Variants in MYO19 observed in about 807,000 individuals in gnomAD.
MYO19 encodes unconventional myosin-XIX.
A neutral mutation model predicts 129.2 loss-of-function variants in MYO19; 132 were observed. That is an observed-to-expected ratio of 1.02 (90% CI 0.89 to 1.18). The LOEUF (loss-of-function observed/expected upper bound fraction) is 1.18, where lower values mean the gene tolerates loss of function less well. MYO19 is among the 50% of genes most tolerant of loss of function. The probability of loss-of-function intolerance (pLI) is 0.00; values close to 1 mark genes in which losing one functional copy is unlikely to be tolerated. For synonymous variants in MYO19, 531 were observed against 477.2 expected (o/e 1.11, Z -1.47); for missense variants, 1,210 against 1,216.7 (o/e 0.99, Z 0.08).
At chr17:36,503,572 C>T (rs1231532328) in intron 20 of MYO19, among the ~76,000 whole-genome samples, 1 of 152,226 alleles carries the variant, frequency 6.6e-6, no homozygotes, top group Non-Finnish European at 1.5e-5. Context: ...CCTCTGACCT[C>T]TCTGACCCCA....
chr17:36,537,796 A>G (rs1358492078), upstream of MYO19: 6 of 1,614,018 alleles, frequency 3.7e-6, no homozygotes, highest in Non-Finnish European at 8.5e-7. Flanking sequence ...TTAACAGAGT[A>G]TGGAGTTCAC....
intron 13 of MYO19, 53 bp downstream of exon 13, chr17:36,510,693 G>A: frequency 6.6e-7 from 1 of 1,525,062 alleles, no homozygotes. Context: ...ACCCCGGACA[G>A]GAAGAGCACT....
chr17:36,527,649 C>G lies in MYO19; in HGVS notation c.202G>C (p.Ala68Pro), dbSNP rs2073561367. 6.2e-7 allele frequency: 1 copy of G among 1,613,814 alleles called. No individual in the cohort carries two copies. The highest frequency in any genetic ancestry group is 8.5e-7 in the Non-Finnish European group (1 of 1,179,864). ...RYMADTFYTN[A>P]GCTLVALNPF... ...TTCAAGGCTACCAGGGTGCAGCCAG[C>G]ATTGGTGTAGAATGTGTCTGCCATG... Residue 68 changes from alanine to proline, a missense_variant, in exon 5 of 26, where the codon GCT (alanine) becomes CCT (proline). Transcript: ENST00000614623.
At chr17:36,536,563 T>C (rs1340312036), upstream of MYO19, among the ~76,000 whole-genome samples, 2 of 149,912 alleles carry the variant, frequency 1.3e-5, no homozygotes, top group Non-Finnish European at 3.0e-5. Flanking sequence ...TCTCACTCTG[T>C]GGCCCAGGCT....
chr17:36,523,897 A>G (rs1317255708), intron 6 of MYO19, among the ~76,000 whole-genome samples: 1 of 152,238 alleles, frequency 6.6e-6, no homozygotes, highest in African/African-American at 2.4e-5. Context: ...ACAGGGAACA[A>G]GGTTGAAAGA....
rs769256818 is a variant in MYO19, at chr17:36,506,474, G to A, written c.1779C>T (p.Thr593=). The change falls in exon 18 of 26, where the codon ACC becomes ACT. Residue 593 remains threonine, a synonymous_variant. Coordinates refer to ENST00000614623, the MANE Select transcript of MYO19 (RefSeq NM_001163735.2). ...GACCCACCTTGAACTTGGACACCAC[G>A]GTCAACACAGGGGCCCTGCTCTGGC... ...PPGQSRAPVL[T]VVSKFKASLE... 19 of 1,613,674 alleles carry A rather than the reference G, an allele frequency of 1.2e-5. No individual in the cohort carries two copies. The highest frequency in any genetic ancestry group is 1.1e-4 in the South Asian group (10 of 91,074).
chr17:36,531,113 G>A (rs184436157), intron 3 of MYO19, among the ~76,000 whole-genome samples: 1 of 151,952 alleles, frequency 6.6e-6, no homozygotes, highest in Non-Finnish European at 1.5e-5. Flanking sequence ...AAAATTTGGA[G>A]GCTGGGCGCG....
upstream of MYO19, chr17:36,537,042 A>G (rs1320109929): frequency 1.4e-5 from 21 of 1,460,674 alleles, no homozygotes; most frequent in Non-Finnish European, 1.4e-5. Flanking sequence ...TATGCTAATT[A>G]CACAAGAATG....
At chr17:36,524,315 C>G (rs556695850) in intron 6 of MYO19, among the ~76,000 whole-genome samples, 1 of 152,216 alleles carries the variant, frequency 6.6e-6, no homozygotes, top group South Asian at 2.1e-4. Flanking sequence ...CCCCCTGCCA[C>G]CCCTCAGTGC....
intron 1 of MYO19, among the ~76,000 whole-genome samples, chr17:36,534,499 T>TC (rs538880113): frequency 6.6e-6 from 1 of 151,332 alleles, no homozygotes; most frequent in African/African-American, 2.4e-5. Flanking sequence ...AAGGACCCTC[T>TC]CCCCCCAGGC....
In MYO19 at chr17:36,513,632, C is replaced by T. The variant is rs57347195; in HGVS notation, c.814G>A (p.Glu272Lys). The T allele has an allele frequency of 6.2e-7, 1 of 1,614,022 alleles. No homozygotes were observed. The highest frequency in any genetic ancestry group is 8.5e-7 in the Non-Finnish European group (1 of 1,179,888). Residue 272 changes from glutamate to lysine, a missense_variant, in exon 10 of 26, where the codon GAA becomes AAA. Physicochemically the swap from Glu to Lys is moderately conservative, Grantham distance 56. Transcript: ENST00000614623. ...SWLPNPERSL[E>K]EDCFEVTREA... The stretch of plus-strand genomic sequence containing the variant: ...TGCTGGATGGGGCTCCCCTTACCTT[C>T]TAAGCTCCTCTCTGGGTTGGGCAGC...
intron 25 of MYO19, chr17:36,497,577 C>A (rs1409986446): frequency 3.1e-6 from 3 of 983,594 alleles, no homozygotes; most frequent in Admixed American, 6.2e-5. Flanking sequence ...CCTATTATTA[C>A]CCTAAACCAA....
At chr17:36,511,593 G>A in intron 11 of MYO19, 138 bp from the exon 12 acceptor site, 1 of 751,480 alleles carries the variant, frequency 1.3e-6, no homozygotes, top group Non-Finnish European at 2.3e-6. Flanking sequence ...ATCTCTGCCA[G>A]ACACAATTCT....
At chr17:36,536,779 T>A (rs915884721), upstream of MYO19, among the ~76,000 whole-genome samples, 1 of 152,212 alleles carries the variant, frequency 6.6e-6, no homozygotes, top group African/African-American at 2.4e-5. Flanking sequence ...CCTCCCGAAG[T>A]GCTAGGATTA....
At chr17:36,498,658 T>C (rs2071223856) in intron 24 of MYO19, 99 bp from the exon 25 acceptor site, 1 of 1,370,718 alleles carries the variant, frequency 7.3e-7, no homozygotes, top group African/African-American at 1.5e-5. Flanking sequence ...CTTAACAAGG[T>C]GAACTGAAGG....
rs775888152 is a variant in MYO19 at position 36,507,897 on chromosome 17, G to A, written c.1259C>T (p.Ser420Leu). ...CTGTTCCAGACTGTTGTCAGGAAATGATTCAAATCCATACACATCCAGCAG... is the reference window on the plus strand; with the variant it reads ...CTGTTCCAGACTGTTGTCAGGAAATAATTCAAATCCATACACATCCAGCAG... ...IGLLDVYGFE[S>L]FPDNSLEQLC... Residue 420 changes from serine (S) to leucine (L), a missense_variant, in exon 15 of 26, where the codon TCA (serine) becomes TTA (leucine). By Grantham distance (145) the Ser-to-Leu change is moderately radical. Coordinates refer to ENST00000614623, the MANE Select transcript of MYO19 (RefSeq NM_001163735.2). 1 of 1,611,848 alleles carries A rather than the reference G, an allele frequency of 6.2e-7. No homozygotes were observed. Among genetic ancestry groups the A allele is most frequent in the Non-Finnish European group, 8.5e-7 (1 of 1,178,400 alleles).
intron 5 of MYO19, among the ~76,000 whole-genome samples, chr17:36,526,568 T>C (rs919300579): frequency 6.6e-6 from 1 of 152,210 alleles, no homozygotes; most frequent in African/African-American, 2.4e-5. Context: ...GCAATCCTTA[T>C]CGTGTATAAT....
chr17:36,539,606 CAA>C (rs34432307), upstream of MYO19, among the ~76,000 whole-genome samples: 2 of 144,508 alleles, frequency 1.4e-5, no homozygotes, highest in East Asian at 2.0e-4. Flanking sequence ...ACCCTGTCTA[CAA>C]AAAAAAAAAT....
chr17:36,515,849 C>G lies in MYO19; in HGVS notation c.547+9G>C. ...GACTGAGATACTGTGCAAAGGAGCC[C>G]AAGCTCACCAAAAGCTTCCATGACA... On this transcript the variant is annotated intron_variant, in intron 7 of 25. Transcript: ENST00000614623. The G allele has an allele frequency of 6.2e-7, 1 of 1,608,888 alleles. No individual in the cohort carries two copies. Among genetic ancestry groups the G allele is most frequent in the Non-Finnish European group, 8.5e-7 (1 of 1,175,860 alleles).
Sources: allele counts gnomAD v4.1 joint callset (sites outside exome capture counted in the v4.1 genomes callset), GRCh38; gene constraint gnomAD v4.1.1; transcripts MANE v1.5; gene names NCBI Gene and HGNC (gene_info 2026-07-23, HGNC 2026-07-21).